ZNF721: variants seen among roughly 807,000 people sequenced by gnomAD.
The protein encoded by ZNF721 is zinc finger protein 721.
In ZNF721, 2 loss-of-function variants were observed where a neutral mutation model predicts 2.4. The observed-to-expected ratio is 0.82, with a 90% CI of 0.34 to 2.58. The LOEUF (loss-of-function observed/expected upper bound fraction) is 2.58. Ranked by LOEUF, ZNF721 falls within the 30% of genes most tolerant of loss-of-function variation. The pLI is 0.11. For synonymous variants in ZNF721, 398 were observed against 381.8 expected, an observed-to-expected ratio of 1.04 and a Z score of -0.50; for missense variants, 1,187 against 1,085.5, an observed-to-expected ratio of 1.09 and a Z score of -1.31.
chr4:455,159 T>G (rs541239254), intron 2 of ZNF721, among the ~76,000 whole-genome samples: 1 of 152,330 alleles, frequency 6.6e-6, no homozygotes, highest in East Asian at 1.9e-4. Flanking sequence ...TTATATCATT[T>G]GCTTATATAC....
intron 2 of ZNF721, among the ~76,000 whole-genome samples, chr4:457,431 C>G (rs1714881134): frequency 6.6e-6 from 1 of 152,196 alleles, no homozygotes; most frequent in African/African-American, 2.4e-5. Context: ...ATCACAGTCC[C>G]AGCTACAGAA....
chr4:459,974 C>T (rs1206296622), intron 2 of ZNF721, among the ~76,000 whole-genome samples: 7 of 152,114 alleles, frequency 4.6e-5, no homozygotes, highest in Admixed American at 6.6e-5. Context: ...CACAAAGAGA[C>T]TTAGACTCTC....
At chr4:486,410 G>A (rs1371952519) in intron 1 of ZNF721, among the ~76,000 whole-genome samples, 1 of 152,108 alleles carries the variant, frequency 6.6e-6, no homozygotes, top group Non-Finnish European at 1.5e-5. Flanking sequence ...GCCCGCCTTG[G>A]CCTACCAAAG....
At chr4:465,305 T>G (rs1382761858) in intron 2 of ZNF721, among the ~76,000 whole-genome samples, 7 of 152,152 alleles carry the variant, frequency 4.6e-5, no homozygotes, top group Admixed American at 1.3e-4. Context: ...GAAAATTGTT[T>G]GATATTGGAG....
Position 443,304 on chromosome 4 carries a change from G to C in ZNF721, c.1163C>G (p.Pro388Arg), listed in dbSNP as rs368576068. 1 of 1,613,996 alleles carries C rather than the reference G, an allele frequency of 6.2e-7. No homozygotes were observed. Among genetic ancestry groups the C allele is most frequent in the Non-Finnish European group, 8.5e-7 (1 of 1,179,940 alleles). Residue 388 changes from proline (P) to arginine (R), a missense_variant, in exon 3 of 3, where the codon CCT (proline) becomes CGT (arginine). By Grantham distance (103) the Pro-to-Arg change is moderately radical. Coordinates refer to ENST00000511833, the MANE Select transcript of ZNF721 (RefSeq NM_133474.4). The part of the protein sequence containing the change: ...QHKKIHTGEK[P>R]YKCEECGKAF... ...TTTGCCACACTCTTCACATTTGTAA[G>C]GTTTCTCTCCAGTATGAATTTTCTT...
At position 465,435 on chromosome 4, in the gene ZNF721, G is replaced by GT. The variant is rs144460748; in HGVS notation, c.34+7139dup. Reference sequence around the variant, plus strand: ...ATCTTAAGCTAGGCTTTTGTTTTTTGTTTTTTTTTTTTTTGAGACGGAGTC... The same window carrying GT: ...ATCTTAAGCTAGGCTTTTGTTTTTTGTTTTTTTTTTTTTTTGAGACGGAGTC... On this transcript the variant is annotated intron_variant, in intron 2 of 2. Transcript: ENST00000511833. Among the ~76,000 whole-genome samples the GT allele has an allele frequency of 3.2e-3, 443 of 138,988 alleles. 1 individual carries two copies. Among genetic ancestry groups the GT allele is most frequent in the South Asian group, 8.5e-3 (38 of 4,450 alleles). 91.2% of individuals were successfully genotyped at this position (138,988 alleles called of 152,430 possible).
intron 1 of ZNF721, among the ~76,000 whole-genome samples, chr4:475,766 G>A (rs148532251): frequency 6.7e-6 from 1 of 149,080 alleles, no homozygotes; most frequent in East Asian, 2.0e-4. Context: ...AACTACCACC[G>A]AGACCTCACT....
chr4:478,989 C>G (rs1305300466), intron 1 of ZNF721, among the ~76,000 whole-genome samples: 4 of 152,070 alleles, frequency 2.6e-5, no homozygotes, highest in Non-Finnish European at 5.9e-5. Flanking sequence ...CCAGGCTGGT[C>G]CCAAACTCCT....
intron 1 of ZNF721, among the ~76,000 whole-genome samples, chr4:478,716 C>A (rs550385723): frequency 6.6e-6 from 1 of 151,582 alleles, no homozygotes; most frequent in Non-Finnish European, 1.5e-5. Context: ...GTTCCTGCTA[C>A]GCATACATAA....
intron 2 of ZNF721, among the ~76,000 whole-genome samples, chr4:449,481 C>G (rs186993701): frequency 3.0e-4 from 45 of 152,120 alleles, no homozygotes; most frequent in Non-Finnish European, 2.9e-5. Context: ...CCAAATAAAG[C>G]TATTTGAAGT....
intron 1 of ZNF721, among the ~76,000 whole-genome samples, chr4:473,195 ATTT>A (rs1175793453): frequency 2.0e-5 from 3 of 152,144 alleles, no homozygotes; most frequent in African/African-American, 7.2e-5. Flanking sequence ...CATATCAATT[ATTT>A]GATGTTAAAG....
rs376093135 is a variant in ZNF721 at position 443,253 on chromosome 4, G to A, written c.1214C>T (p.Thr405Ile). 2 of 1,613,250 alleles carry A rather than the reference G, an allele frequency of 1.2e-6. No individual in the cohort carries two copies. Among genetic ancestry groups the A allele is most frequent in the Admixed American group, 1.7e-5 (1 of 59,958 alleles). ...TCTGGTGTGAATTCTCTTATGTGCA[G>A]TAAGGTTTGTTGAACTATTAAAGGC... ...GKAFNSSTNLTAHKRIHTREK... is the reference protein window; with the variant it reads ...GKAFNSSTNLIAHKRIHTREK... The change falls in exon 3 of 3, where the codon ACT becomes ATT. Residue 405 changes from threonine to isoleucine, a missense_variant. By Grantham distance (89) the Thr-to-Ile change is moderately conservative. Transcript: ENST00000511833.
rs1237129270 is a variant in ZNF721 at position 443,022 on chromosome 4, A to C, written c.1445T>G (p.Ile482Ser). The C allele has an allele frequency of 1.9e-6, 3 of 1,613,740 alleles. No homozygotes were observed. In the African/African-American group the frequency reaches 4.0e-5, roughly 22 times the overall value. The change falls in exon 3 of 3, where the codon ATT becomes AGT. Residue 482 changes from isoleucine (I) to serine (S), a missense_variant. Ile to Ser is a moderately radical substitution (Grantham distance 142). Transcript: ENST00000511833. ...TTTAGCAAAGCTTGAGGATGAGGTA[A>C]TGACTTTGCCACATTGCTTACATTT... ...PYKCKQCGKVITSSSSFAKHK... is the reference protein window; with the variant it reads ...PYKCKQCGKVSTSSSSFAKHK...
Position 452,048 on chromosome 4 carries a change from T to C in ZNF721, c.35-7616A>G, listed in dbSNP as rs1473517349. 2.6e-5 allele frequency among the ~76,000 whole-genome samples: 4 copies of C among 152,220 alleles called. No individual in the cohort carries two copies. In the South Asian group the frequency reaches 8.3e-4, roughly 31 times the overall value. On this transcript the variant is annotated intron_variant, in intron 2 of 2. Transcript: ENST00000511833. ...CTGCTTGTAAGTTAATGTGTCAAGA[T>C]AGGGACTGGTTGCTACACGAGAAAT... is the stretch of plus-strand genomic sequence containing the variant.
chr4:443,181 G>A lies in ZNF721; in HGVS notation c.1286C>T (p.Ser429Phe). The change falls in exon 3 of 3, where the codon TCC (serine) becomes TTC (phenylalanine). Residue 429 changes from serine to phenylalanine, a missense_variant. Ser to Phe is a radical substitution (Grantham distance 155, BLOSUM62 -2). Transcript: ENST00000511833. ...CEDRGRAFGL[S>F]TNLNEYKKIH... The stretch of plus-strand genomic sequence containing the variant: ...TTTCTTATATTCATTCAGGTTTGTG[G>A]ACAATCCAAAGGCTCTGCCACGATC... The A allele has an allele frequency of 6.2e-7, 1 of 1,613,556 alleles. No individual in the cohort carries two copies. The highest frequency in any genetic ancestry group is 8.5e-7 in the Non-Finnish European group (1 of 1,179,792).
chr4:460,599 G>T (rs1195143298), intron 2 of ZNF721, among the ~76,000 whole-genome samples: 5 of 146,904 alleles, frequency 3.4e-5, no homozygotes, highest in African/African-American at 1.2e-4. Context: ...AGCAGAACTG[G>T]AGGAAATAGA....
chr4:499,108 G>A lies in ZNF721; in HGVS notation c.-146C>T, dbSNP rs1307893447. ...CTCGCCGGGAAGACGGCCCCACGGA[G>A]CCGGGAACACCGCCCGCTGTTCGTA... On this transcript the variant is annotated 5_prime_UTR_variant, in exon 1 of 3. Coordinates refer to ENST00000511833, the MANE Select transcript of ZNF721 (RefSeq NM_133474.4). The A allele has an allele frequency of 1.4e-5, 8 of 560,140 alleles. No homozygotes were observed. The highest frequency in any genetic ancestry group is 1.4e-4 in the African/African-American group (7 of 50,714). The allele number at this position is 560,140 out of a possible 1,614,324, so 34.7% of individuals were successfully genotyped here. A position where few individuals can be genotyped will look rare whatever the true frequency, so the allele number is the denominator to read the frequency against.
At chr4:481,873 G>GGTA (rs1715778493) in intron 1 of ZNF721, among the ~76,000 whole-genome samples, 1 of 152,088 alleles carries the variant, frequency 6.6e-6, no homozygotes, top group African/African-American at 2.4e-5. Flanking sequence ...AAGAATATTT[G>GGTA]GTAGTAGACA....
intron 1 of ZNF721, among the ~76,000 whole-genome samples, chr4:491,459 A>G (rs1716021803): frequency 6.6e-6 from 1 of 152,218 alleles, no homozygotes; most frequent in African/African-American, 2.4e-5. Flanking sequence ...CTCCAGTAAC[A>G]AAGAGTGCTG....
Sources: gnomAD v4.1 joint callset for allele counts (sites outside exome capture counted in the v4.1 genomes callset) on GRCh38, gnomAD v4.1.1 for gene constraint, MANE v1.5 for transcripts, NCBI Gene and HGNC (gene_info 2026-07-23, HGNC 2026-07-21) for gene names.